SLC24A2: variants seen among roughly 807,000 people sequenced by gnomAD.
SLC24A2 encodes the protein sodium/potassium/calcium exchanger 2.
SLC24A2 carries 36 observed loss-of-function variants against 62.0 expected under a neutral mutation model. That is an observed-to-expected ratio of 0.58 (90% CI 0.44 to 0.77). SLC24A2 has a LOEUF of 0.77. Ranked by LOEUF, SLC24A2 falls within the 30% of genes least tolerant of loss-of-function variation. The pLI is 0.00. For missense variants in SLC24A2, 846 were observed against 817.9 expected (o/e 1.03, Z -0.42); for synonymous variants, 358 against 294.0 (o/e 1.22, Z -2.23).
the SLC24A2 span, among the ~76,000 whole-genome samples, chr9:19,796,899 A>T: frequency 6.6e-6 from 1 of 152,088 alleles, no homozygotes; most frequent in African/African-American, 2.4e-5. Context: ...TATCTGGGAA[A>T]TTTGTTTTGT....
chr9:19,933,985 G>A, the SLC24A2 span, among the ~76,000 whole-genome samples: 4 of 152,150 alleles, frequency 2.6e-5, no homozygotes, highest in African/African-American at 4.8e-5. Context: ...TAATGGGGGC[G>A]TGACTGCTAA....
chr9:19,592,297 C>T (rs1297653476), intron 5 of SLC24A2, among the ~76,000 whole-genome samples: 1 of 152,166 alleles, frequency 6.6e-6, no homozygotes, highest in Non-Finnish European at 1.5e-5. Context: ...CTTGATATCA[C>T]AACTTTTCTA....
chr9:20,302,771 C>G, the SLC24A2 span, among the ~76,000 whole-genome samples: 1 of 152,018 alleles, frequency 6.6e-6, no homozygotes, highest in African/African-American at 2.4e-5. Context: ...ATGGATTGTG[C>G]CTTTGGTGGT....
chr9:20,208,184 C>A, the SLC24A2 span, among the ~76,000 whole-genome samples: 1 of 152,156 alleles, frequency 6.6e-6, no homozygotes, highest in Non-Finnish European at 1.5e-5. Flanking sequence ...TGGGTAGGCA[C>A]ATGTGGGTGT....
the SLC24A2 span, among the ~76,000 whole-genome samples, chr9:20,256,701 G>C: frequency 3.9e-5 from 6 of 152,118 alleles, no homozygotes; most frequent in African/African-American, 1.4e-4. Context: ...ATTTTCTAGA[G>C]CCGTGCATTC....
intron 7 of SLC24A2, among the ~76,000 whole-genome samples, chr9:19,559,401 A>T (rs1272509616): frequency 1.3e-5 from 2 of 152,230 alleles, no homozygotes; most frequent in Admixed American, 6.5e-5. Context: ...AAATAAGATG[A>T]AAGGCAAAAT....
At chr9:19,801,937 C>T in the SLC24A2 span, among the ~76,000 whole-genome samples, 1 of 152,170 alleles carries the variant, frequency 6.6e-6, no homozygotes, top group Non-Finnish European at 1.5e-5. Flanking sequence ...AATTCTCTTG[C>T]CCCTATAAGG....
At chr9:19,549,579 C>T (rs1055449996) in intron 8 of SLC24A2, among the ~76,000 whole-genome samples, 8 of 152,284 alleles carry the variant, frequency 5.3e-5, no homozygotes, top group African/African-American at 1.9e-4. Context: ...TGTGAGGAAG[C>T]CCAAGTCACA....
intron 7 of SLC24A2, among the ~76,000 whole-genome samples, chr9:19,569,390 T>C (rs534977245): frequency 6.6e-6 from 1 of 152,342 alleles, no homozygotes; most frequent in South Asian, 2.1e-4. Context: ...AAGAGAATTG[T>C]CTTTCTATAA....
At chr9:20,003,956 T>C in the SLC24A2 span, among the ~76,000 whole-genome samples, 2 of 151,932 alleles carry the variant, frequency 1.3e-5, no homozygotes, top group Admixed American at 6.6e-5. Flanking sequence ...TATATGTATA[T>C]GTCTATGTGT....
chr9:20,007,242 T>C, the SLC24A2 span, among the ~76,000 whole-genome samples: 5 of 152,172 alleles, frequency 3.3e-5, no homozygotes, highest in Admixed American at 6.5e-5. Flanking sequence ...TGTTCTAGAA[T>C]CTTGAAAAGA....
the SLC24A2 span, among the ~76,000 whole-genome samples, chr9:20,203,780 A>C: frequency 6.6e-6 from 1 of 152,170 alleles, no homozygotes; most frequent in Non-Finnish European, 1.5e-5. Context: ...GAAAAAATAC[A>C]TCCCAACCCA....
chr9:19,784,923 T>G (rs1430527600), intron 2 of SLC24A2, among the ~76,000 whole-genome samples: 1 of 152,200 alleles, frequency 6.6e-6, no homozygotes, highest in Non-Finnish European at 1.5e-5. Flanking sequence ...ATTAATATCA[T>G]TTTTCTTTTC....
At chr9:19,888,265 G>C in the SLC24A2 span, among the ~76,000 whole-genome samples, 2 of 152,040 alleles carry the variant, frequency 1.3e-5, no homozygotes, top group Admixed American at 6.5e-5. Context: ...TTTCTTTTAA[G>C]TCCATTCCTA....
the SLC24A2 span, among the ~76,000 whole-genome samples, chr9:20,061,542 C>T: frequency 1.3e-5 from 2 of 152,154 alleles, no homozygotes; most frequent in Non-Finnish European, 2.9e-5. Flanking sequence ...CTGCCTCAGC[C>T]TCCCAAAGTG....
At chr9:20,068,057 CT>C in the SLC24A2 span, among the ~76,000 whole-genome samples, 4,534 of 89,800 alleles carry the variant, frequency 0.05, 63 homozygotes, top group African/African-American at 0.16. Flanking sequence ...TTTTTTGACT[CT>C]TTTTTTTTTT....
chr9:19,788,222 C>G (rs1355991078), intron 1 of SLC24A2, among the ~76,000 whole-genome samples: 9 of 152,308 alleles, frequency 5.9e-5, no homozygotes, highest in African/African-American at 2.2e-4. Context: ...ATAACCCGAC[C>G]CCATCACGGA....
the SLC24A2 span, among the ~76,000 whole-genome samples, chr9:19,846,490 G>C: frequency 6.6e-6 from 1 of 152,142 alleles, no homozygotes; most frequent in Non-Finnish European, 1.5e-5. Flanking sequence ...GTAATTACTT[G>C]TGAGGTGGGT....
At chr9:20,012,120 G>T in the SLC24A2 span, among the ~76,000 whole-genome samples, 1 of 152,160 alleles carries the variant, frequency 6.6e-6, no homozygotes, top group African/African-American at 2.4e-5. Flanking sequence ...TTTCCTCTAA[G>T]ATTAGGGACA....
Sources: gnomAD v4.1 joint callset for allele counts (sites outside exome capture counted in the v4.1 genomes callset) on GRCh38, gnomAD v4.1.1 for gene constraint, MANE v1.5 for transcripts, NCBI Gene and HGNC (gene_info 2026-07-23, HGNC 2026-07-21) for gene names.